The following UNC13A variants were observed in gnomAD, a reference collection of about 807,000 sequenced individuals.
UNC13A encodes protein unc-13 homolog A.
A neutral mutation model predicts 219.7 loss-of-function variants in UNC13A; 61 were observed. The ratio of observed to expected loss-of-function variants is 0.28; its 90% CI spans 0.23 to 0.34. The LOEUF (loss-of-function observed/expected upper bound fraction) is 0.34. UNC13A is among the 10% of genes least tolerant of loss of function. UNC13A has a pLI of 1.00. For missense variants in UNC13A, 1,476 were observed against 2,270.3 expected, an observed-to-expected ratio of 0.65 and a Z score of 7.11; for synonymous variants, 920 against 884.6, an observed-to-expected ratio of 1.04 and a Z score of -0.71.
chr19:17,667,413 T>C (rs2079677019), intron 6 of UNC13A, among the ~76,000 whole-genome samples: 1 of 152,202 alleles, frequency 6.6e-6, no homozygotes, highest in South Asian at 2.1e-4. Flanking sequence ...AATATATTCG[T>C]GTAACAAACC....
rs1599348423 is a variant in UNC13A, at chr19:17,628,223, T to A, written c.3754-283A>T. ...TGAGAGGGGCTGGGAACTCTGGGAGTAGCAGAGTTTCCTGCAAGAGCCCAA... is the reference window on the plus strand; with the variant it reads ...TGAGAGGGGCTGGGAACTCTGGGAGAAGCAGAGTTTCCTGCAAGAGCCCAA... On this transcript the variant is annotated intron_variant, in intron 31 of 43. Transcript: ENST00000519716. 25 of 466,716 alleles carry A rather than the reference T, an allele frequency of 5.4e-5. 1 individual carries two copies. In the South Asian group the frequency reaches 7.4e-4, roughly 14 times the overall value. 28.9% of individuals were successfully genotyped at this position (466,716 alleles called of 1,614,324 possible). A position where few individuals can be genotyped will look rare whatever the true frequency, so the allele number is the denominator to read the frequency against.
chr19:17,621,143 A>C (rs1318284492), intron 37 of UNC13A, among the ~76,000 whole-genome samples: 1 of 152,180 alleles, frequency 6.6e-6, no homozygotes, highest in Non-Finnish European at 1.5e-5. Flanking sequence ...TGAAGAACCC[A>C]TACACTAAAC....
rs1172903045 is a variant in UNC13A at position 17,655,256 on chromosome 19, G to C, written c.1392+18C>G. On this transcript the variant is annotated intron_variant, in intron 11 of 43. Coordinates refer to ENST00000519716, the MANE Select transcript of UNC13A (RefSeq NM_001080421.3). ...CCTGGCTAAGTGTGGCAGGGGCATG[G>C]CTGGGCGTGTCACTCACCTCCTGCA... 3 of 1,548,396 alleles carry C rather than the reference G, an allele frequency of 1.9e-6. No homozygotes were observed. Among genetic ancestry groups the C allele is most frequent in the Non-Finnish European group, 2.6e-6 (3 of 1,147,884 alleles).
At chr19:17,613,408 AAAAAC>A (rs1313246368) in intron 41 of UNC13A, among the ~76,000 whole-genome samples, 1 of 152,104 alleles carries the variant, frequency 6.6e-6, no homozygotes. Context: ...GACTGTCTCA[AAAAAC>A]AAAACAAAGC....
chr19:17,681,405 T>C (rs1243311011), intron 1 of UNC13A, among the ~76,000 whole-genome samples: 2 of 152,076 alleles, frequency 1.3e-5, no homozygotes, highest in East Asian at 1.9e-4. Context: ...TTGTGTGTGA[T>C]GTTGGTGGAG....
At chr19:17,657,018 C>A (rs1387655459) in intron 9 of UNC13A, among the ~76,000 whole-genome samples, 2 of 152,122 alleles carry the variant, frequency 1.3e-5, no homozygotes, top group African/African-American at 4.8e-5. Context: ...GCATCCACTT[C>A]CCCGTACCCC....
At chr19:17,673,855 A>G (rs139109988) in intron 3 of UNC13A, among the ~76,000 whole-genome samples, 27 of 152,092 alleles carry the variant, frequency 1.8e-4, no homozygotes, top group African/African-American at 6.3e-4. Flanking sequence ...TACTTAAAAC[A>G]CAAAAATTAG....
chr19:17,685,491 G>A (rs905263382), intron 1 of UNC13A, among the ~76,000 whole-genome samples: 3 of 152,136 alleles, frequency 2.0e-5, no homozygotes, highest in Admixed American at 6.6e-5. Context: ...GAGCCACCGC[G>A]CTCGGCTGGA....
chr19:17,672,950 C>G (rs2079817812), intron 3 of UNC13A, among the ~76,000 whole-genome samples: 1 of 152,184 alleles, frequency 6.6e-6, no homozygotes, highest in Non-Finnish European at 1.5e-5. Context: ...CCTCAAAGCA[C>G]TTTCCCTGCA....
At chr19:17,648,721 C>T in intron 15 of UNC13A, 71 bp from the exon 16 acceptor site, 2 of 1,562,488 alleles carry the variant, frequency 1.3e-6, no homozygotes, top group Non-Finnish European at 1.7e-6. Flanking sequence ...CCCATTCCGC[C>T]CCATCACTGA....
chr19:17,631,919 C>A (rs140801906), intron 28 of UNC13A, among the ~76,000 whole-genome samples: 209 of 151,888 alleles, frequency 1.4e-3, no homozygotes, highest in African/African-American at 4.7e-3. Context: ...TAATTTTTTT[C>A]TTTGTTTTTG....
At chr19:17,642,739 C>T (rs2076983817) in intron 20 of UNC13A, 106 bp downstream of exon 20, 5 of 941,894 alleles carry the variant, frequency 5.3e-6, no homozygotes, top group South Asian at 1.8e-5. Context: ...CGGGCAGTCT[C>T]AGAGGGCCAG....
chr19:17,618,304 G>GGAGT (rs2076690320), intron 40 of UNC13A, 117 bp downstream of exon 40: 1 of 1,107,642 alleles, frequency 9.0e-7, no homozygotes, highest in South Asian at 1.4e-5. Context: ...GGGGAACGAG[G>GGAGT]GAGTGTCCAT....
chr19:17,680,874 T>TTTTTC (rs1599419474), intron 1 of UNC13A, among the ~76,000 whole-genome samples: 17 of 133,182 alleles, frequency 1.3e-4, no homozygotes, highest in African/African-American at 2.8e-4. Flanking sequence ...TTCTTCTTTT[T>TTTTTC]TTTTCTTTTC....
Position 17,640,533 on chromosome 19 carries a change from C to T in UNC13A, c.2765G>A (p.Arg922His), listed in dbSNP as rs1174371793. ...TASTNVSASD[R>H]FAASNFGKER... The stretch of plus-strand genomic sequence containing the variant: ...GACCCCAAAGTTGGAGGCGGCGAAG[C>T]GGTCGGAGGCAGACACGTTGGTGGA... Residue 922 changes from arginine (R) to histidine (H), a missense_variant, in exon 22 of 44, where the codon CGC (arginine) becomes CAC (histidine). Arg to His is a conservative substitution (Grantham distance 29, BLOSUM62 0). This residue lies in a region of UNC13A where 140 missense variants were observed against 270.9 expected (regional missense o/e 0.52). Coordinates refer to ENST00000519716, the MANE Select transcript of UNC13A (RefSeq NM_001080421.3). The T allele has an allele frequency of 1.9e-6, 3 of 1,550,612 alleles. No homozygotes were observed. The highest frequency in any genetic ancestry group is 2.7e-5 in the African/African-American group (2 of 73,080).
chr19:17,624,758 G>A (rs922649544), intron 35 of UNC13A, 71 bp downstream of exon 35: 4 of 1,537,316 alleles, frequency 2.6e-6, no homozygotes, highest in Non-Finnish European at 3.5e-6. Flanking sequence ...CCAGCCTCTA[G>A]GCACCAAGTT....
chr19:17,680,884 C>CTTTTCTT (rs2079997664), intron 1 of UNC13A, among the ~76,000 whole-genome samples: 1 of 69,552 alleles, frequency 1.4e-5, no homozygotes, highest in African/African-American at 5.9e-5. Context: ...TTTTTCTTTT[C>CTTTTCTT]TTTTCTTTTT....
At chr19:17,642,094 A>G (rs906957530) in intron 20 of UNC13A, among the ~76,000 whole-genome samples, 2 of 151,240 alleles carry the variant, frequency 1.3e-5, no homozygotes, top group Non-Finnish European at 2.9e-5. Flanking sequence ...AAATTCACCT[A>G]TCTACTCAAT....
intron 28 of UNC13A, among the ~76,000 whole-genome samples, chr19:17,631,742 T>C (rs1341341855): frequency 6.6e-6 from 1 of 152,112 alleles, no homozygotes; most frequent in Non-Finnish European, 1.5e-5. Flanking sequence ...TTCATTTTAT[T>C]TTTATATTTA....
Sources: allele counts gnomAD v4.1 joint callset (sites outside exome capture counted in the v4.1 genomes callset), GRCh38; gene constraint gnomAD v4.1.1; regional missense constraint gnomAD v4.1.1; transcripts MANE v1.5; gene names NCBI Gene and HGNC (gene_info 2026-07-23, HGNC 2026-07-21).